Variants in CADPS observed in about 807,000 individuals in gnomAD.
CADPS encodes calcium dependent secretion activator.
In CADPS, 57 loss-of-function variants were observed where a neutral mutation model predicts 167.3. That is an observed-to-expected ratio of 0.34 (90% CI 0.28 to 0.42). The LOEUF (loss-of-function observed/expected upper bound fraction) is 0.42, where lower values mean the gene tolerates loss of function less well. Ranked by LOEUF, CADPS falls within the 20% of genes least tolerant of loss-of-function variation. The probability of loss-of-function intolerance (pLI) is 1.00; values close to 1 mark genes in which losing one functional copy is unlikely to be tolerated. For missense variants in CADPS, 1,414 were observed against 1,738.1 expected (o/e 0.81, Z 3.32); for synonymous variants, 676 against 635.3 (o/e 1.06, Z -0.96).
intron 13 of CADPS, among the ~76,000 whole-genome samples, chr3:62,522,712 G>C (rs2070996333): frequency 6.6e-6 from 1 of 152,096 alleles, no homozygotes; most frequent in Admixed American, 6.5e-5. Context: ...TTTGAACTTA[G>C]CTTTAGAAAC....
At chr3:62,688,635 T>G (rs1294953664) in intron 3 of CADPS, among the ~76,000 whole-genome samples, 1 of 152,116 alleles carries the variant, frequency 6.6e-6, no homozygotes, top group Non-Finnish European at 1.5e-5. Context: ...ATTTTATTCT[T>G]GCTCTTGCCA....
intron 16 of CADPS, 76 bp from the exon 17 acceptor site, chr3:62,512,844 G>A: frequency 8.0e-7 from 1 of 1,255,804 alleles, no homozygotes; most frequent in Non-Finnish European, 1.1e-6. Flanking sequence ...ATGAGCAAGT[G>A]GACCAAAATG....
intron 17 of CADPS, among the ~76,000 whole-genome samples, chr3:62,502,584 GCT>G (rs1340267448): frequency 6.6e-6 from 1 of 152,112 alleles, no homozygotes; most frequent in African/African-American, 2.4e-5. Context: ...GGAAATAAAT[GCT>G]CTCTTTTGAG....
chr3:62,406,924 G>T (rs778865339), intron 28 of CADPS, among the ~76,000 whole-genome samples: 7 of 152,158 alleles, frequency 4.6e-5, no homozygotes, highest in African/African-American at 7.2e-5. Context: ...AAGAGCACAG[G>T]CTCTAACATC....
intron 7 of CADPS, among the ~76,000 whole-genome samples, chr3:62,588,332 A>G (rs1482156586): frequency 7.4e-6 from 1 of 134,402 alleles, no homozygotes; most frequent in Non-Finnish European, 1.6e-5. Context: ...AACACTTCCC[A>G]CATTGCACTA....
At chr3:62,710,642 A>C (rs9823880) in intron 3 of CADPS, among the ~76,000 whole-genome samples, 14 of 151,782 alleles carry the variant, frequency 9.2e-5, no homozygotes, top group Non-Finnish European at 2.1e-4. Context: ...AGTTTTAAAA[A>C]CTCCCCAGGT....
chr3:62,438,338 G>T lies in CADPS; in HGVS notation c.3670-127C>A, dbSNP rs1288480951. On this transcript the variant is annotated intron_variant, in intron 27 of 29. Transcript: ENST00000383710. This position sits in a 1 kb window ranked among gnomAD's most constrained non-coding sequence, Gnocchi z 4.7. ...TGCTTCTGCTGGATCAGCTTTGTAG[G>T]CATGGGATTGCTGTCCACAGCCTGG... The T allele has an allele frequency of 3.0e-6, 2 of 662,520 alleles. No individual in the cohort carries two copies. Among genetic ancestry groups the T allele is most frequent in the Non-Finnish European group, 5.4e-6 (2 of 369,528 alleles). The allele number at this position is 662,520 out of a possible 1,614,324, so 41.0% of individuals were successfully genotyped here. A position where few individuals can be genotyped will look rare whatever the true frequency, so the allele number is the denominator to read the frequency against.
intron 3 of CADPS, among the ~76,000 whole-genome samples, chr3:62,716,496 A>T (rs1310613554): frequency 6.6e-6 from 1 of 152,210 alleles, no homozygotes; most frequent in Non-Finnish European, 1.5e-5. Flanking sequence ...GCAAACTCAG[A>T]ATGTTCCATA....
chr3:62,681,779 C>T (rs1015492557), intron 3 of CADPS, among the ~76,000 whole-genome samples: 9 of 152,168 alleles, frequency 5.9e-5, no homozygotes, highest in East Asian at 5.8e-4. Flanking sequence ...GTCACTGACT[C>T]GATGACTATA....
intron 6 of CADPS, among the ~76,000 whole-genome samples, chr3:62,632,538 T>C (rs1263841994): frequency 6.6e-6 from 1 of 152,122 alleles, no homozygotes; most frequent in Non-Finnish European, 1.5e-5. Context: ...AAGCCTGATT[T>C]ATTTACATGT....
intron 6 of CADPS, among the ~76,000 whole-genome samples, chr3:62,598,979 C>T (rs1000799905): frequency 6.6e-6 from 1 of 152,158 alleles, no homozygotes; most frequent in African/African-American, 2.4e-5. Context: ...GTGGAGGAAG[C>T]ATCAAAAACC....
intron 9 of CADPS, among the ~76,000 whole-genome samples, chr3:62,568,344 G>A (rs2080676453): frequency 6.6e-6 from 1 of 152,242 alleles, no homozygotes; most frequent in Non-Finnish European, 1.5e-5. Context: ...CCCACACGCA[G>A]TGTGAATGGA....
chr3:62,491,207 T>C (rs891049595), intron 21 of CADPS, 132 bp downstream of exon 21: 18 of 1,050,574 alleles, frequency 1.7e-5, no homozygotes, highest in Admixed American at 2.4e-5. Context: ...AGCATCATAG[T>C]AGAAGAAATG....
chr3:62,737,061 C>T (rs776658913), intron 3 of CADPS, among the ~76,000 whole-genome samples: 14 of 151,988 alleles, frequency 9.2e-5, no homozygotes, highest in Admixed American at 5.9e-4. Flanking sequence ...TCACTTGAAC[C>T]CTGGAGGCAG....
chr3:62,797,974 C>T (rs932043454), intron 1 of CADPS, among the ~76,000 whole-genome samples: 1 of 152,126 alleles, frequency 6.6e-6, no homozygotes, highest in Non-Finnish European at 1.5e-5. Flanking sequence ...TTCATTCATT[C>T]GTTCAACAAA....
intron 28 of CADPS, among the ~76,000 whole-genome samples, chr3:62,422,640 CA>C (rs2051687467): frequency 6.6e-6 from 1 of 152,164 alleles, no homozygotes. Context: ...ACATTGCTGA[CA>C]TCTTAGGCAT....
intron 1 of CADPS, among the ~76,000 whole-genome samples, chr3:62,791,013 C>T (rs9840378): frequency 0.051 from 7,156 of 139,686 alleles, 561 homozygotes; most frequent in African/African-American, 0.17. Context: ...AAAAAAAATA[C>T]GTATTTATCA....
chr3:62,538,031 A>C (rs986743634), intron 11 of CADPS, among the ~76,000 whole-genome samples: 2 of 152,174 alleles, frequency 1.3e-5, no homozygotes, highest in Non-Finnish European at 2.9e-5. Context: ...TGTGTATTTT[A>C]ACAGCCAAAT....
At chr3:62,628,585 C>T (rs2149635075) in intron 6 of CADPS, among the ~76,000 whole-genome samples, 1 of 150,268 alleles carries the variant, frequency 6.7e-6, no homozygotes, top group East Asian at 2.0e-4. Flanking sequence ...CTCCTTTACA[C>T]ACACACACAC....
Sources: allele counts gnomAD v4.1 joint callset (sites outside exome capture counted in the v4.1 genomes callset), GRCh38; gene constraint gnomAD v4.1.1; non-coding constraint Gnocchi (gnomAD v3.1); transcripts MANE v1.5; gene names NCBI Gene and HGNC (gene_info 2026-07-23, HGNC 2026-07-21).